Variants in ANKS3 observed in about 807,000 individuals in gnomAD.
The protein encoded by ANKS3 is ankyrin repeat and sterile alpha motif domain containing 3.
A neutral mutation model predicts 80.7 loss-of-function variants in ANKS3; 62 were observed. The observed-to-expected ratio is 0.77, with a 90% confidence interval of 0.63 to 0.95. ANKS3 has a LOEUF of 0.95. Among genes scored for constraint, ANKS3 ranks in the 40% least tolerant of loss-of-function variants. The pLI, the probability that ANKS3 is intolerant of heterozygous loss-of-function variation, is 0.00. For missense variants in ANKS3, 1,150 were observed against 883.6 expected, an observed-to-expected ratio of 1.30 and a Z score of -3.82; for synonymous variants, 489 against 355.3, an observed-to-expected ratio of 1.38 and a Z score of -4.23.
intron 5 of ANKS3, 51 bp downstream of exon 5, chr16:4,726,608 G>C (rs777714655): frequency 6.3e-7 from 1 of 1,586,460 alleles, no homozygotes; most frequent in Admixed American, 1.7e-5. Flanking sequence ...CCTCCTTAGA[G>C]TCAGATGACA....
chr16:4,701,231 G>C, intron 10 of ANKS3, 97 bp from the exon 11 acceptor site: 1 of 1,556,378 alleles, frequency 6.4e-7, no homozygotes. Context: ...GAGGCTTCGT[G>C]AAACCCCCCA....
At chr16:4,724,581 T>G (rs901701126) in intron 6 of ANKS3, among the ~76,000 whole-genome samples, 169 bp downstream of exon 6, 4 of 152,236 alleles carry the variant, frequency 2.6e-5, no homozygotes, top group Non-Finnish European at 5.9e-5. Context: ...GTATCCTTAA[T>G]GCCTAAGCAC....
Position 4,696,715 on chromosome 16 carries a change from G to A in ANKS3, c.*193C>T. On this transcript the variant is annotated 3_prime_UTR_variant, in exon 18 of 18. Transcript: ENST00000304283. ...GGTGAGGCCCTCGTCCCGCCTCAGT[G>A]CTGGCCCGAGCTGCCGAGCCAGGGC... 1.1e-5 allele frequency: 5 copies of A among 466,980 alleles called. No individual in the cohort carries two copies. Among genetic ancestry groups the A allele is most frequent in the Middle Eastern group, 1.2e-3 (2 of 1,646 alleles). The allele number at this position is 466,980 out of a possible 1,614,324, so 28.9% of individuals were successfully genotyped here. A position where few individuals can be genotyped will look rare whatever the true frequency, so the allele number is the denominator to read the frequency against.
chr16:4,732,682 AAAAAAAAC>A (rs1389770213), intron 1 of ANKS3, among the ~76,000 whole-genome samples: 2 of 150,336 alleles, frequency 1.3e-5, no homozygotes, highest in East Asian at 1.9e-4. Context: ...CTGTCTCAAA[AAAAAAAAC>A]AAAAAAAAAA....
rs560974223 is a variant in ANKS3 at position 4,719,670 on chromosome 16, G to A, written c.573+5080C>T. Among the ~76,000 whole-genome samples, 36 of 151,730 alleles carry A rather than the reference G, an allele frequency of 2.4e-4. 2 individuals carry two copies. In the South Asian group the frequency reaches 4.2e-3, roughly 18 times the overall value. ...AAAAAACAGCCAGGCGTGGTAGTGC[G>A]TGCCTGTAGTCCCAGCTACTGAGGA... On this transcript the variant is annotated intron_variant, in intron 6 of 17. Coordinates refer to ENST00000304283, the MANE Select transcript of ANKS3 (RefSeq NM_133450.4).
Position 4,731,564 on chromosome 16 carries a change from A to G in ANKS3, c.-55T>C. 17 of 902,920 alleles carry G rather than the reference A, an allele frequency of 1.9e-5. No homozygotes were observed. Among genetic ancestry groups the G allele is most frequent in the Non-Finnish European group, 2.3e-5 (17 of 754,548 alleles). The allele number at this position is 902,920 out of a possible 1,614,324, so 55.9% of individuals were successfully genotyped here. A position where few individuals can be genotyped will look rare whatever the true frequency, so the allele number is the denominator to read the frequency against. Reference sequence around the variant, plus strand: ...TCAAAGTCCTGGAAATATAGGCGTGAGCCACTGCACCTGGCCTGTAAATTT... The same window carrying G: ...TCAAAGTCCTGGAAATATAGGCGTGGGCCACTGCACCTGGCCTGTAAATTT... On this transcript the variant is annotated 5_prime_UTR_variant, in exon 2 of 18. Transcript: ENST00000304283.
intron 7 of ANKS3, among the ~76,000 whole-genome samples, chr16:4,710,652 T>A (rs749033592): frequency 2.6e-5 from 4 of 151,890 alleles, no homozygotes; most frequent in Non-Finnish European, 4.4e-5. Flanking sequence ...GGAGGTTGCA[T>A]TGAGTCGAGA....
In ANKS3 at chr16:4,696,734, C is replaced by A. The variant is rs933304502; in HGVS notation, c.*174G>T. 7.9e-6 allele frequency: 4 copies of A among 503,204 alleles called. No individual in the cohort carries two copies. Among genetic ancestry groups the A allele is most frequent in the Admixed American group, 3.3e-5 (1 of 30,266 alleles). The allele number at this position is 503,204 out of a possible 1,614,324, so 31.2% of individuals were successfully genotyped here. A position where few individuals can be genotyped will look rare whatever the true frequency, so the allele number is the denominator to read the frequency against. On this transcript the variant is annotated 3_prime_UTR_variant, in exon 18 of 18. Coordinates refer to ENST00000304283, the MANE Select transcript of ANKS3 (RefSeq NM_133450.4). ...CTCAGTGCTGGCCCGAGCTGCCGAG[C>A]CAGGGCCGCAGCCCCCGTCTTGCCT...
At chr16:4,700,827 G>C (rs1443570188) in intron 11 of ANKS3, 143 bp downstream of exon 11, 1 of 1,108,288 alleles carries the variant, frequency 9.0e-7, no homozygotes, top group East Asian at 2.4e-5. Flanking sequence ...CTGTGAGCCT[G>C]TGGAGCCTAA....
chr16:4,727,363 T>G, intron 3 of ANKS3, 186 bp from the exon 4 acceptor site: 1 of 639,840 alleles, frequency 1.6e-6, no homozygotes. Context: ...GTACACTGCC[T>G]TGTGAGGCCC....
intron 8 of ANKS3, among the ~76,000 whole-genome samples, chr16:4,703,688 G>A (rs2080039497): frequency 6.6e-6 from 1 of 152,204 alleles, no homozygotes. Context: ...TGGGATTACA[G>A]GCGTGAGCCA....
At chr16:4,721,087 C>T (rs551261923) in intron 6 of ANKS3, among the ~76,000 whole-genome samples, 7 of 149,584 alleles carry the variant, frequency 4.7e-5, no homozygotes, top group East Asian at 3.9e-4. Context: ...GGGCGGATCA[C>T]GAGGTCAGGA....
At chr16:4,710,247 C>T (rs1017372456) in intron 7 of ANKS3, among the ~76,000 whole-genome samples, 2 of 152,126 alleles carry the variant, frequency 1.3e-5, no homozygotes, top group African/African-American at 2.4e-5. Context: ...AAAATAGCTA[C>T]TAGAAGACAT....
intron 11 of ANKS3, 47 bp from the exon 12 acceptor site, chr16:4,699,223 A>C: frequency 7.5e-6 from 12 of 1,603,188 alleles, no homozygotes; most frequent in Non-Finnish European, 9.4e-6. Context: ...GCTGACGACG[A>C]AGCAGAGACG....
Position 4,701,082 on chromosome 16 carries a change from A to T in ANKS3, c.1172T>A (p.Met391Lys). Residue 391 changes from methionine to lysine, a missense_variant, in exon 11 of 18, where the codon ATG becomes AAG. Coordinates refer to ENST00000304283, the MANE Select transcript of ANKS3 (RefSeq NM_133450.4). ...SSARKQAKSY[M>K]KTKNPDSQWP... ...CTGGCTGTCAGGATTCTTGGTCTTC[A>T]TGTAACTTTTAGCTTGTTTGCGAGC... 1 of 1,614,034 alleles carries T rather than the reference A, an allele frequency of 6.2e-7. No homozygotes were observed. The highest frequency in any genetic ancestry group is 8.5e-7 in the Non-Finnish European group (1 of 1,180,030).
Position 4,697,059 on chromosome 16 carries a change from A to AC in ANKS3, c.1939dup (p.Val647GlyfsTer32). ...CTCCCGCCACTTCTTCCCGTTCAGC[A>AC]CCTGCAGCTTCTCCAGGCTCTGGGT... On this transcript the variant is annotated frameshift_variant, in exon 17 of 18. Coordinates refer to ENST00000304283, the MANE Select transcript of ANKS3 (RefSeq NM_133450.4). LOFTEE classifies it high-confidence loss of function. The AC allele has an allele frequency of 2.5e-6, 4 of 1,613,770 alleles. No individual in the cohort carries two copies. Among genetic ancestry groups the AC allele is most frequent in the Non-Finnish European group, 3.4e-6 (4 of 1,179,970 alleles).
At chr16:4,722,025 C>G (rs1165510554) in intron 6 of ANKS3, among the ~76,000 whole-genome samples, 2 of 151,242 alleles carry the variant, frequency 1.3e-5, no homozygotes, top group African/African-American at 2.4e-5. Context: ...GGGGCAGGAC[C>G]ATGAGCATGT....
At chr16:4,730,241 A>C in intron 2 of ANKS3, 90 bp from the exon 3 acceptor site, 1 of 1,250,066 alleles carries the variant, frequency 8.0e-7, no homozygotes. Context: ...ACACCACTGC[A>C]CTAGCAGACT....
At chr16:4,726,804 G>A (rs12931781) in intron 4 of ANKS3, 24 bp from the exon 5 acceptor site, 17,708 of 1,608,534 alleles carry the variant, frequency 0.011, 150 homozygotes, top group Non-Finnish European at 0.012. Flanking sequence ...CAGAACGTGC[G>A]TTACGGCCTC....
Sources: allele counts gnomAD v4.1 joint callset (sites outside exome capture counted in the v4.1 genomes callset), GRCh38; gene constraint gnomAD v4.1.1; transcripts MANE v1.5; gene names NCBI Gene and HGNC (gene_info 2026-07-23, HGNC 2026-07-21).